Variants in PHACTR2 observed in about 807,000 individuals in gnomAD.
PHACTR2 encodes chromosome 6 open reading frame 56.
A neutral mutation model predicts 76.0 loss-of-function variants in PHACTR2; 30 were observed. That is an observed-to-expected ratio of 0.39 (90% CI 0.30 to 0.54). PHACTR2 has a LOEUF of 0.54. Ranked by LOEUF, PHACTR2 falls within the 20% of genes least tolerant of loss-of-function variation. The pLI is 0.61. For missense variants in PHACTR2, 696 were observed against 781.1 expected, an observed-to-expected ratio of 0.89 and a Z score of 1.30; for synonymous variants, 292 against 292.5, an observed-to-expected ratio of 1.00 and a Z score of 0.02.
rs1472582260 is a variant in PHACTR2, at chr6:143,827,755, A to C, written c.*4066A>C. The C allele has an allele frequency of 6.6e-6, 1 of 152,194 alleles. No homozygotes were observed. 9.4% of individuals were successfully genotyped at this position (152,194 alleles called of 1,614,324 possible). ...TCCCTTGACCTCTTGAAATGGCTAG[A>C]TCTTTCACTACTGTGTAGGTAGTCT... is the stretch of plus-strand genomic sequence containing the variant. On this transcript the variant is annotated 3_prime_UTR_variant, in exon 13 of 13. Transcript: ENST00000440869.
In PHACTR2 at chr6:143,656,586, A is replaced by C. The variant is rs532195283; in HGVS notation, c.13+48264A>C. Among the ~76,000 whole-genome samples the C allele has an allele frequency of 9.2e-5, 14 of 152,244 alleles. No individual in the cohort carries two copies. The highest frequency in any genetic ancestry group is 6.2e-4 in the South Asian group (3 of 4,830). On this transcript the variant is annotated intron_variant, in intron 1 of 11. Transcript: ENST00000305766. The surrounding 1 kb of genome is among the most constrained non-coding windows in gnomAD (Gnocchi z 5.3). ...ATAATCTGATCTAGTATTCTCTGAG[A>C]CATCAATGCTAGATGAGGATACAGG...
Position 143,695,084 on chromosome 6 carries a change from C to T in PHACTR2, c.46+16875C>T, listed in dbSNP as rs1293374889. 2.0e-4 allele frequency among the ~76,000 whole-genome samples: 31 copies of T among 152,150 alleles called. No individual in the cohort carries two copies. ...AGGTCCTTTTGTAAAATGATTAAAACTCTCCTTAAACCTCAGAAATTATTT... is the reference window on the plus strand; with the variant it reads ...AGGTCCTTTTGTAAAATGATTAAAATTCTCCTTAAACCTCAGAAATTATTT... On this transcript the variant is annotated intron_variant, in intron 1 of 12. Coordinates refer to ENST00000440869, the MANE Select transcript of PHACTR2 (RefSeq NM_001100164.2). The surrounding 1 kb of genome is among the most constrained non-coding windows in gnomAD (Gnocchi z 4.4).
intron 2 of PHACTR2, among the ~76,000 whole-genome samples, chr6:143,720,208 C>T (rs1778407669): frequency 6.6e-6 from 1 of 152,122 alleles, no homozygotes; most frequent in Non-Finnish European, 1.5e-5. Flanking sequence ...GTTACAGGCT[C>T]TAGGGATACT....
At position 143,827,940 on chromosome 6, in the gene PHACTR2, C is replaced by T. The variant is rs953244228; in HGVS notation, c.*4251C>T. 6.6e-6 allele frequency: 1 copy of T among 151,654 alleles called. No homozygotes were observed. The highest frequency in any genetic ancestry group is 6.6e-5 in the Admixed American group (1 of 15,242). 9.4% of individuals were successfully genotyped at this position (151,654 alleles called of 1,614,324 possible). A position where few individuals can be genotyped will look rare whatever the true frequency, so the allele number is the denominator to read the frequency against. On this transcript the variant is annotated 3_prime_UTR_variant, in exon 13 of 13. Coordinates refer to ENST00000440869, the MANE Select transcript of PHACTR2 (RefSeq NM_001100164.2). ...GGTGGATCAGTTGAGGTCAGGAGTT[C>T]GAGACCAGCCTGGCCAACATGGTGA...
At chr6:143,773,490 T>C (rs1310848908) in intron 7 of PHACTR2, among the ~76,000 whole-genome samples, 2 of 150,202 alleles carry the variant, frequency 1.3e-5, no homozygotes, top group Non-Finnish European at 2.9e-5. Flanking sequence ...TATTAGTGAT[T>C]AAATGGCACT....
At position 143,774,067 on chromosome 6, in the gene PHACTR2, G is replaced by T. The variant is rs780046210; in HGVS notation, c.1441G>T (p.Ala481Ser). 1.9e-6 allele frequency: 3 copies of T among 1,613,200 alleles called. No individual in the cohort carries two copies. Among genetic ancestry groups the T allele is most frequent in the Non-Finnish European group, 1.7e-6 (2 of 1,179,624 alleles). Residue 481 changes from alanine (A) to serine (S), a missense_variant, in exon 8 of 13, where the codon GCA becomes TCA. Around this residue, in one of 2 missense-constraint regions of PHACTR2, gnomAD observed 236 missense variants for 330.2 expected, o/e 0.71. Transcript: ENST00000440869. This position sits in a 1 kb window ranked among gnomAD's most constrained non-coding sequence, Gnocchi z 5.4. Reference protein sequence around the residue: ...DEDGSGESALASKIRRRDTLA... With the variant: ...DEDGSGESALSSKIRRRDTLA... The stretch of plus-strand genomic sequence containing the variant: ...TCTTTTTCAATCCTCAGGTGCTTTG[G>T]CAAGTAAAATACGCCGGAGGGATAC...
In PHACTR2 at chr6:143,553,925, G is replaced by A. The variant is rs866575431; in HGVS notation, c.217+16718G>A. Reference sequence around the variant, plus strand: ...AGAAAGGCCTGAGAGAAGTTAAGGGGTGATCCTTCCAGGCAGAGAGAAGAG... The same window carrying A: ...AGAAAGGCCTGAGAGAAGTTAAGGGATGATCCTTCCAGGCAGAGAGAAGAG... On this transcript the variant is annotated intron_variant, in intron 1 of 11. Transcript: ENST00000367584. The surrounding 1 kb of genome is among the most constrained non-coding windows in gnomAD (Gnocchi z 4.2). Among the ~76,000 whole-genome samples the A allele has an allele frequency of 5.3e-5, 8 of 152,250 alleles. No individual in the cohort carries two copies. The highest frequency in any genetic ancestry group is 3.4e-3 in the Middle Eastern group (1 of 294).
In PHACTR2 at chr6:143,549,610, A is replaced by G. The variant is rs1232502288; in HGVS notation, c.217+12403A>G. Among the ~76,000 whole-genome samples, 2 of 151,912 alleles carry G rather than the reference A, an allele frequency of 1.3e-5. No individual in the cohort carries two copies. The highest frequency in any genetic ancestry group is 4.8e-5 in the African/African-American group (2 of 41,384). Reference sequence around the variant, plus strand: ...GCTATGGAGGGAGAAAGGTGTTTTGAAATTTCTGGTGCTGAAAAACCTGCC... The same window carrying G: ...GCTATGGAGGGAGAAAGGTGTTTTGGAATTTCTGGTGCTGAAAAACCTGCC... On this transcript the variant is annotated intron_variant, in intron 1 of 11. Transcript: ENST00000367584. This position sits in a 1 kb window ranked among gnomAD's most constrained non-coding sequence, Gnocchi z 4.2.
intron 1 of PHACTR2, among the ~76,000 whole-genome samples, chr6:143,564,122 T>C (rs1253839409): frequency 6.7e-6 from 1 of 149,140 alleles, no homozygotes; most frequent in Non-Finnish European, 1.5e-5. Flanking sequence ...TTAAACTGTT[T>C]ACTTTTTTAA....
At chr6:143,675,466 T>C (rs868110663), upstream of PHACTR2, among the ~76,000 whole-genome samples, 3 of 152,168 alleles carry the variant, frequency 2.0e-5, no homozygotes, top group Non-Finnish European at 4.4e-5. The surrounding 1 kb of genome is among the most constrained non-coding windows in gnomAD (Gnocchi z 4.9). Flanking sequence ...TGCTAGCTGG[T>C]TGAAGGCCTG....
At chr6:143,564,623 G>A (rs1395098269) in intron 1 of PHACTR2, among the ~76,000 whole-genome samples, 1 of 152,108 alleles carries the variant, frequency 6.6e-6, no homozygotes, top group Non-Finnish European at 1.5e-5. Flanking sequence ...AGCATGTCAT[G>A]GCTGAGCTGC....
chr6:143,769,089 C>T (rs1775032025), intron 6 of PHACTR2, among the ~76,000 whole-genome samples: 1 of 152,120 alleles, frequency 6.6e-6, no homozygotes, highest in South Asian at 2.1e-4. Flanking sequence ...TATGAAGAGA[C>T]TTCTGTTTGG....
At chr6:143,601,618 G>A (rs1775815237) in intron 1 of PHACTR2, among the ~76,000 whole-genome samples, 1 of 152,204 alleles carries the variant, frequency 6.6e-6, no homozygotes, top group Non-Finnish European at 1.5e-5. Context: ...AGTTCCTTTT[G>A]TGCCTTTCAC....
At position 143,750,953 on chromosome 6, in the gene PHACTR2, T is replaced by C. The variant is rs1029643160; in HGVS notation, c.295+1888T>C. Among the ~76,000 whole-genome samples the C allele has an allele frequency of 1.4e-4, 22 of 152,232 alleles. No individual in the cohort carries two copies. The highest frequency in any genetic ancestry group is 5.1e-4 in the African/African-American group (21 of 41,460). On this transcript the variant is annotated intron_variant, in intron 3 of 12. Coordinates refer to ENST00000440869, the MANE Select transcript of PHACTR2 (RefSeq NM_001100164.2). This position sits in a 1 kb window ranked among gnomAD's most constrained non-coding sequence, Gnocchi z 4.6. ...AAATTATCTAATGGTTGAAGGTTCC[T>C]GAGGATGTCAGTAGTAAATGGAGTC... is the stretch of plus-strand genomic sequence containing the variant.
intron 1 of PHACTR2, among the ~76,000 whole-genome samples, chr6:143,669,781 T>G (rs998957416): frequency 3.3e-5 from 5 of 151,072 alleles, no homozygotes; most frequent in East Asian, 1.9e-4. Context: ...CTTTGCACAC[T>G]GATAAGTCTT....
chr6:143,785,845 C>T (rs1218970559), intron 10 of PHACTR2, among the ~76,000 whole-genome samples: 1 of 152,222 alleles, frequency 6.6e-6, no homozygotes, highest in African/African-American at 2.4e-5. Flanking sequence ...GGCTGGGGCA[C>T]AGGGCACCAA....
chr6:143,788,838 A>T lies in PHACTR2; in HGVS notation c.1773A>T (p.Val591=), dbSNP rs1334037261. 6.2e-7 allele frequency: 1 copy of T among 1,613,738 alleles called. No homozygotes were observed. The highest frequency in any genetic ancestry group is 8.5e-7 in the Non-Finnish European group (1 of 1,179,722). The change falls in exon 11 of 13, where the codon GTA becomes GTT. Residue 591 remains valine (V), a synonymous_variant. Transcript: ENST00000440869. ...ARRILRFNEY[V]EVTDSPDYDR... is the part of the protein sequence containing the mutation. ...GGATCCTGCGATTTAACGAGTATGTAGAAGTCACGGATTCTCCTGACTATG... is the reference window on the plus strand; with the variant it reads ...GGATCCTGCGATTTAACGAGTATGTTGAAGTCACGGATTCTCCTGACTATG...
chr6:143,701,000 G>A lies in PHACTR2; in HGVS notation c.47-11016G>A, dbSNP rs954896503. On this transcript the variant is annotated intron_variant, in intron 1 of 12. Transcript: ENST00000440869. The surrounding 1 kb of genome is among the most constrained non-coding windows in gnomAD (Gnocchi z 4.1). ...AACAGTGGCATTCAAAACGTAAAAT[G>A]CTTTTATTTACATTAAAATTGATTT... is the stretch of plus-strand genomic sequence containing the variant. 6.6e-6 allele frequency among the ~76,000 whole-genome samples: 1 copy of A among 152,210 alleles called. No individual in the cohort carries two copies.
intron 11 of PHACTR2, among the ~76,000 whole-genome samples, chr6:143,805,329 A>T (rs1351537778): frequency 1.3e-5 from 2 of 151,684 alleles, no homozygotes; most frequent in African/African-American, 4.8e-5. Flanking sequence ...AATACAAAAA[A>T]TTAGCCAGGC....
Sources: gnomAD v4.1 joint callset for allele counts (sites outside exome capture counted in the v4.1 genomes callset) on GRCh38, gnomAD v4.1.1 for gene constraint, gnomAD v4.1.1 regional missense constraint, Gnocchi (gnomAD v3.1) non-coding constraint, MANE v1.5 for transcripts, NCBI Gene and HGNC (gene_info 2026-07-23, HGNC 2026-07-21) for gene names.